MVB12B: variants seen among roughly 807,000 people sequenced by gnomAD.
The protein encoded by MVB12B is multivesicular body subunit 12B.
Under a neutral mutation model 41.6 loss-of-function variants are expected in MVB12B, and 16 were observed. The ratio of observed to expected loss-of-function variants is 0.38; its 90% CI spans 0.26 to 0.58. The LOEUF (loss-of-function observed/expected upper bound fraction) is 0.58, where lower values mean the gene tolerates loss of function less well. Among genes scored for constraint, MVB12B ranks in the 20% least tolerant of loss-of-function variants. The pLI, the probability that MVB12B is intolerant of heterozygous loss-of-function variation, is 0.62. For missense variants in MVB12B, 274 were observed against 380.2 expected, an observed-to-expected ratio of 0.72 and a Z score of 2.32; for synonymous variants, 133 against 139.7, an observed-to-expected ratio of 0.95 and a Z score of 0.34.
At chr9:126,398,164 C>G (rs1831170818) in intron 6 of MVB12B, among the ~76,000 whole-genome samples, 1 of 151,904 alleles carries the variant, frequency 6.6e-6, no homozygotes. Flanking sequence ...GAAGCCCTCC[C>G]AGAGGCTCCT....
intron 7 of MVB12B, among the ~76,000 whole-genome samples, chr9:126,476,876 CA>C (rs35160593): frequency 0.011 from 695 of 63,798 alleles, 1 homozygote; most frequent in East Asian, 0.032. Context: ...GACTCCATCT[CA>C]AAAAAAAAAA....
At chr9:126,337,911 G>A (rs531539325) in intron 1 of MVB12B, among the ~76,000 whole-genome samples, 2 of 152,202 alleles carry the variant, frequency 1.3e-5, no homozygotes, top group Admixed American at 1.3e-4. Flanking sequence ...CCTGGGAAAT[G>A]TGGAGCGCTA....
At chr9:126,472,573 C>T (rs1366334100) in intron 7 of MVB12B, among the ~76,000 whole-genome samples, 1 of 151,900 alleles carries the variant, frequency 6.6e-6, no homozygotes, top group Non-Finnish European at 1.5e-5. Context: ...CTTGTAGAAT[C>T]TGTAAGCATT....
chr9:126,476,302 A>G (rs1833418147), intron 7 of MVB12B, among the ~76,000 whole-genome samples: 1 of 152,330 alleles, frequency 6.6e-6, no homozygotes, highest in East Asian at 1.9e-4. Flanking sequence ...CAGGTTGGCC[A>G]TGGGCCCCAC....
At chr9:126,491,919 A>G (rs1002460552) in intron 9 of MVB12B, among the ~76,000 whole-genome samples, 1 of 152,170 alleles carries the variant, frequency 6.6e-6, no homozygotes, top group Non-Finnish European at 1.5e-5. Context: ...GCCACAGACA[A>G]GATTAATTAT....
At chr9:126,368,287 T>C (rs185354706) in intron 2 of MVB12B, among the ~76,000 whole-genome samples, 1 of 152,310 alleles carries the variant, frequency 6.6e-6, no homozygotes, top group East Asian at 1.9e-4. Context: ...GAATCACATC[T>C]GTCTAGTATC....
In MVB12B at chr9:126,421,396, A is replaced by G. The variant is rs537657966; in HGVS notation, c.663-458A>G. 2.0e-5 allele frequency among the ~76,000 whole-genome samples: 3 copies of G among 152,306 alleles called. No homozygotes were observed. The South Asian group carries it at 6.2e-4, about 32-fold the overall frequency. On this transcript the variant is annotated intron_variant, in intron 6 of 9. Transcript: ENST00000361171. Reference sequence around the variant, plus strand: ...ATAATAATTCCCAACACCTTTGTTTACAGAGCGCTTCATGTGCAGTGATCC... The same window carrying G: ...ATAATAATTCCCAACACCTTTGTTTGCAGAGCGCTTCATGTGCAGTGATCC...
At position 126,487,617 on chromosome 9, in the gene MVB12B, TAGCCAGGCTTGGTGG is replaced by T. The variant is rs1348571144; in HGVS notation, c.873+3589_873+3603del. On this transcript the variant is annotated intron_variant, in intron 9 of 9. Transcript: ENST00000361171. ...TCTGCTAAAAACACACACACAAAAA[TAGCCAGGCTTGGTGG>T]AGCACACCTGTAGTCCCAGCTACTC... 1.2e-4 allele frequency among the ~76,000 whole-genome samples: 19 copies of T among 152,142 alleles called. 1 individual carries two copies. Among genetic ancestry groups the T allele is most frequent in the Admixed American group, 1.0e-3 (16 of 15,288 alleles).
chr9:126,455,281 G>T (rs1408811126), intron 7 of MVB12B, among the ~76,000 whole-genome samples: 3 of 151,274 alleles, frequency 2.0e-5, no homozygotes, highest in African/African-American at 7.3e-5. Flanking sequence ...TCCGCCTCCC[G>T]GGTTCAAGTG....
chr9:126,453,695 C>T (rs1588185284), intron 7 of MVB12B, among the ~76,000 whole-genome samples: 1 of 152,220 alleles, frequency 6.6e-6, no homozygotes, highest in African/African-American at 2.4e-5. Context: ...TTACGTGGCA[C>T]ATGCATACAC....
intron 7 of MVB12B, among the ~76,000 whole-genome samples, chr9:126,465,797 T>C (rs924400462): frequency 1.3e-5 from 2 of 152,176 alleles, no homozygotes; most frequent in African/African-American, 4.8e-5. Flanking sequence ...ACATTTGTTT[T>C]AGATGTGTTA....
At chr9:126,470,646 CTGTGTGTG>C (rs143928729) in intron 7 of MVB12B, among the ~76,000 whole-genome samples, 3 of 143,620 alleles carry the variant, frequency 2.1e-5, no homozygotes, top group South Asian at 2.3e-4. Context: ...AGTCAGTGCT[CTGTGTGTG>C]TGTGTGTGTG....
chr9:126,409,378 G>A (rs918892700), intron 6 of MVB12B, among the ~76,000 whole-genome samples: 1 of 148,692 alleles, frequency 6.7e-6, no homozygotes, highest in Non-Finnish European at 1.5e-5. Context: ...ACTCACAGGC[G>A]GTGTTACTTT....
intron 2 of MVB12B, among the ~76,000 whole-genome samples, chr9:126,368,658 G>A (rs938663734): frequency 9.2e-5 from 14 of 152,082 alleles, no homozygotes; most frequent in East Asian, 7.7e-4. Context: ...AATACATCTC[G>A]TTGACAGTTT....
At chr9:126,456,476 CTG>C (rs1383780897) in intron 7 of MVB12B, among the ~76,000 whole-genome samples, 1 of 152,114 alleles carries the variant, frequency 6.6e-6, no homozygotes, top group Non-Finnish European at 1.5e-5. Context: ...ATGATTTTAA[CTG>C]TGAGTTTTCT....
chr9:126,421,327 A>G (rs1260395548), intron 6 of MVB12B, among the ~76,000 whole-genome samples: 1 of 152,228 alleles, frequency 6.6e-6, no homozygotes, highest in African/African-American at 2.4e-5. Flanking sequence ...GCGATGTGCC[A>G]TCCTGATTTT....
chr9:126,370,845 A>G (rs1830316452), intron 2 of MVB12B, among the ~76,000 whole-genome samples: 1 of 152,184 alleles, frequency 6.6e-6, no homozygotes, highest in Non-Finnish European at 1.5e-5. Context: ...ATTTTAGGGT[A>G]GTAAGATTCA....
At chr9:126,489,851 C>G (rs1833696170) in intron 9 of MVB12B, among the ~76,000 whole-genome samples, 1 of 152,170 alleles carries the variant, frequency 6.6e-6, no homozygotes, top group Non-Finnish European at 1.5e-5. Context: ...AGGGAGGTGA[C>G]CAGGGGCTGG....
intron 7 of MVB12B, among the ~76,000 whole-genome samples, chr9:126,435,864 G>A (rs1416854969): frequency 6.6e-6 from 1 of 152,222 alleles, no homozygotes; most frequent in Admixed American, 6.5e-5. Context: ...CTCATGGCAG[G>A]TCACTGCCAC....
Sources: allele counts gnomAD v4.1 joint callset (sites outside exome capture counted in the v4.1 genomes callset), GRCh38; gene constraint gnomAD v4.1.1; transcripts MANE v1.5; gene names NCBI Gene and HGNC (gene_info 2026-07-23, HGNC 2026-07-21).